Variants in SYN2 observed in about 807,000 individuals in gnomAD.
The protein encoded by SYN2 is synapsin-2.
SYN2 carries 19 observed loss-of-function variants against 50.9 expected under a neutral mutation model. The observed-to-expected ratio is 0.37, with a 90% CI of 0.26 to 0.55. SYN2 has a LOEUF of 0.55. Ranked by LOEUF, SYN2 falls within the 20% of genes least tolerant of loss-of-function variation. SYN2 has a pLI of 0.81. For missense variants in SYN2, 587 were observed against 576.4 expected (o/e 1.02, Z -0.19); for synonymous variants, 255 against 224.9 (o/e 1.13, Z -1.20).
At chr3:12,090,161 C>G (rs991380364) in intron 1 of SYN2, among the ~76,000 whole-genome samples, 4 of 152,054 alleles carry the variant, frequency 2.6e-5, no homozygotes, top group African/African-American at 9.7e-5. Context: ...CTAATTGGCC[C>G]TTATGAATTA....
chr3:12,078,633 T>G (rs1285074237), intron 1 of SYN2, among the ~76,000 whole-genome samples: 1 of 152,182 alleles, frequency 6.6e-6, no homozygotes, highest in Non-Finnish European at 1.5e-5. Context: ...GTCTTATTTC[T>G]GAGTTCTCTG....
intron 6 of SYN2, 144 bp downstream of exon 6, chr3:12,161,752 G>A: frequency 4.6e-6 from 5 of 1,086,334 alleles, no homozygotes; most frequent in Non-Finnish European, 6.7e-6. Context: ...AAAGCCATGA[G>A]TGTCACCCAA....
chr3:12,155,653 C>G (rs1022720610), intron 5 of SYN2, among the ~76,000 whole-genome samples: 1 of 152,204 alleles, frequency 6.6e-6, no homozygotes, highest in African/African-American at 2.4e-5. Context: ...GGAGCTTGTG[C>G]CTTCTCCTGT....
At chr3:12,114,580 T>G (rs1696389833) in intron 1 of SYN2, among the ~76,000 whole-genome samples, 1 of 152,172 alleles carries the variant, frequency 6.6e-6, no homozygotes, top group Non-Finnish European at 1.5e-5. Flanking sequence ...CCTTTGGACT[T>G]TGACCCATTT....
intron 12 of SYN2, 68 bp from the exon 13 acceptor site, chr3:12,190,422 G>A (rs142854957): frequency 1.4e-4 from 218 of 1,577,926 alleles, no homozygotes; most frequent in Non-Finnish European, 1.7e-4. Context: ...GTATCCTCAC[G>A]TCACCGTCCT....
chr3:12,090,518 A>G (rs1465767132), intron 1 of SYN2, among the ~76,000 whole-genome samples: 1 of 151,200 alleles, frequency 6.6e-6, no homozygotes, highest in African/African-American at 2.5e-5. Flanking sequence ...ACCTTGAGCT[A>G]ATGAGTTCAC....
Position 12,187,410 on chromosome 3 carries a change from G to T in SYN2, c.1411G>T (p.Val471Leu), listed in dbSNP as rs867095259. 27 of 1,551,242 alleles carry T rather than the reference G, an allele frequency of 1.7e-5. No individual in the cohort carries two copies. The highest frequency in any genetic ancestry group is 3.3e-4 in the Middle Eastern group (2 of 6,012). ...QPQGMQPPGK[V>L]LPPRRLPPGP... ...CCAAGGAATGCAGCCCCCAGGCAAG[G>T]TGCTGCCTCCACGCCGGCTCCCCCC... Residue 471 changes from valine to leucine, a missense_variant, in exon 12 of 13, where the codon GTG (valine) becomes TTG (leucine). Physicochemically the swap from Val to Leu is conservative, Grantham distance 32. Coordinates refer to ENST00000621198, the MANE Select transcript of SYN2 (RefSeq NM_133625.6).
Position 12,145,718 on chromosome 3 carries a change from A to C in SYN2, c.567A>C (p.Ala189=), listed in dbSNP as rs766435420. ...RPDFVLIRQH[A]FGMAENEDFR... ...ACTTCGTGCTCATCCGGCAGCATGCATTTGGCATGGCGGAGAATGAGGACT... is the reference window on the plus strand; with the variant it reads ...ACTTCGTGCTCATCCGGCAGCATGCCTTTGGCATGGCGGAGAATGAGGACT... Residue 189 remains alanine (A), a synonymous_variant, in exon 4 of 13, where the codon GCA becomes GCC. Coordinates refer to ENST00000621198, the MANE Select transcript of SYN2 (RefSeq NM_133625.6). The C allele has an allele frequency of 6.2e-7, 1 of 1,613,962 alleles. No individual in the cohort carries two copies. Among genetic ancestry groups the C allele is most frequent in the Non-Finnish European group, 8.5e-7 (1 of 1,179,866 alleles).
At chr3:12,077,182 C>T (rs556942592) in intron 1 of SYN2, among the ~76,000 whole-genome samples, 2 of 152,114 alleles carry the variant, frequency 1.3e-5, no homozygotes, top group African/African-American at 4.8e-5. Context: ...TAAAGTTAAG[C>T]ATTGAGCTTG....
At chr3:12,019,096 A>G (rs1694077565) in intron 1 of SYN2, among the ~76,000 whole-genome samples, 1 of 152,188 alleles carries the variant, frequency 6.6e-6, no homozygotes, top group Admixed American at 6.5e-5. Flanking sequence ...CTCATTCCAG[A>G]TGTGAACGTG....
At chr3:12,014,686 A>G (rs1424871176) in intron 1 of SYN2, among the ~76,000 whole-genome samples, 2 of 152,106 alleles carry the variant, frequency 1.3e-5, no homozygotes, top group East Asian at 3.9e-4. Flanking sequence ...ACCTCAGGCC[A>G]CCCAAGCTGT....
intron 5 of SYN2, among the ~76,000 whole-genome samples, chr3:12,160,129 G>A (rs1697612910): frequency 6.6e-6 from 1 of 151,704 alleles, no homozygotes; most frequent in African/African-American, 2.4e-5. Context: ...CTTGTCTGCT[G>A]TTTGGGCACA....
At chr3:12,120,106 A>T (rs1158483892) in intron 1 of SYN2, among the ~76,000 whole-genome samples, 1 of 152,196 alleles carries the variant, frequency 6.6e-6, no homozygotes, top group Non-Finnish European at 1.5e-5. Flanking sequence ...TCCCAGAGAT[A>T]CCAGGGCTCC....
At chr3:12,152,536 G>GA (rs35062486) in intron 5 of SYN2, among the ~76,000 whole-genome samples, 12 of 152,162 alleles carry the variant, frequency 7.9e-5, no homozygotes, top group African/African-American at 2.6e-4. Flanking sequence ...CTGGCTGCTG[G>GA]AAAAAAACTG....
chr3:12,020,466 C>T (rs1444844307), intron 1 of SYN2, among the ~76,000 whole-genome samples: 2 of 151,948 alleles, frequency 1.3e-5, no homozygotes, highest in African/African-American at 4.8e-5. Context: ...GGATTTGAAG[C>T]ACCTGGCCCT....
intron 11 of SYN2, chr3:12,184,081 G>A (rs1453248555): frequency 2.0e-6 from 2 of 986,042 alleles, no homozygotes; most frequent in African/African-American, 3.5e-5. Context: ...TGAATAGGCT[G>A]GCTGTGCCTG....
At chr3:12,101,948 AGTT>A (rs1415449814) in intron 1 of SYN2, among the ~76,000 whole-genome samples, 1 of 152,180 alleles carries the variant, frequency 6.6e-6, no homozygotes, top group Non-Finnish European at 1.5e-5. Flanking sequence ...CCTAGCAACT[AGTT>A]GTTAAGATAG....
chr3:12,086,537 C>T (rs1279498446), intron 1 of SYN2, among the ~76,000 whole-genome samples: 1 of 152,068 alleles, frequency 6.6e-6, no homozygotes, highest in Non-Finnish European at 1.5e-5. Context: ...TGAGATTTAT[C>T]CCTGGGATCC....
rs769762775 is a variant in SYN2, at chr3:12,004,514, A to G, written c.-38A>G. 1.9e-6 allele frequency: 1 copy of G among 512,920 alleles called. No homozygotes were observed. Among genetic ancestry groups the G allele is most frequent in the South Asian group, 2.3e-5 (1 of 44,384 alleles). 31.8% of individuals were successfully genotyped at this position (512,920 alleles called of 1,614,324 possible). The stretch of plus-strand genomic sequence containing the variant: ...CCTCGCTCTCCCTCCGCGCCACCAG[A>G]CCCCGTAGCCCCGCGCGCCCCCAGC... On this transcript the variant is annotated 5_prime_UTR_variant, in exon 1 of 13. Coordinates refer to ENST00000621198, the MANE Select transcript of SYN2 (RefSeq NM_133625.6).
Sources: allele counts gnomAD v4.1 joint callset (sites outside exome capture counted in the v4.1 genomes callset), GRCh38; gene constraint gnomAD v4.1.1; transcripts MANE v1.5; gene names NCBI Gene and HGNC (gene_info 2026-07-23, HGNC 2026-07-21).